Variants in EYS observed in about 807,000 individuals in gnomAD.
The protein encoded by EYS is EGF-like photoreceptor maintenance factor.
Under a neutral mutation model 282.1 loss-of-function variants are expected in EYS, and 250 were observed. The observed-to-expected ratio is 0.89, with a 90% CI of 0.80 to 0.98. The LOEUF (loss-of-function observed/expected upper bound fraction) is 0.98, where lower values mean the gene tolerates loss of function less well. Among genes scored for constraint, EYS ranks in the 50% least tolerant of loss-of-function variants. EYS has a pLI of 0.00. For synonymous variants in EYS, 1,355 were observed against 1,282.9 expected, an observed-to-expected ratio of 1.06 and a Z score of -1.20; for missense variants, 4,016 against 3,709.0, an observed-to-expected ratio of 1.08 and a Z score of -2.15.
intron 12 of EYS, among the ~76,000 whole-genome samples, chr6:65,115,049 C>T (rs1775328040): frequency 6.6e-6 from 1 of 151,908 alleles, no homozygotes; most frequent in Non-Finnish European, 1.5e-5. Context: ...GTTTCTCGGC[C>T]TACTACATCA....
intron 36 of EYS, among the ~76,000 whole-genome samples, chr6:63,854,404 G>A (rs2149704994): frequency 6.6e-6 from 1 of 152,248 alleles, no homozygotes; most frequent in Admixed American, 6.5e-5. Context: ...AGTTAACAAT[G>A]AGAACACATG....
intron 41 of EYS, among the ~76,000 whole-genome samples, chr6:63,729,808 C>T (rs915354938): frequency 6.6e-6 from 1 of 152,124 alleles, no homozygotes; most frequent in Non-Finnish European, 1.5e-5. Flanking sequence ...TTCCTCAGGG[C>T]TTTCCATAGC....
intron 26 of EYS, among the ~76,000 whole-genome samples, chr6:64,497,203 T>G (rs16895318): frequency 0.024 from 3,681 of 152,188 alleles, 137 homozygotes; most frequent in African/African-American, 0.084. Flanking sequence ...TTGCACATAG[T>G]GTACAACAGA....
chr6:65,247,150 C>G (rs1297834021), intron 12 of EYS, among the ~76,000 whole-genome samples: 2 of 152,040 alleles, frequency 1.3e-5, no homozygotes, highest in African/African-American at 2.4e-5. Context: ...AATGAATAAG[C>G]TGTATCGGTC....
chr6:65,038,970 T>G (rs1772850365), intron 13 of EYS, among the ~76,000 whole-genome samples: 1 of 151,590 alleles, frequency 6.6e-6, no homozygotes, highest in African/African-American at 2.4e-5. Context: ...GTATTTTCTC[T>G]CATGCTTATT....
chr6:63,950,224 G>A lies in EYS; in HGVS notation c.7055+34159C>T, dbSNP rs1444311963. 5.9e-5 allele frequency among the ~76,000 whole-genome samples: 9 copies of A among 151,546 alleles called. No individual in the cohort carries two copies. In the South Asian group the frequency reaches 6.3e-4, roughly 11 times the overall value. ...AAAAAAAACAAAAAAAACAAAACCTGCTTGTCAGGCTTCTGGGCCCAAGCC... is the reference window on the plus strand; with the variant it reads ...AAAAAAAACAAAAAAAACAAAACCTACTTGTCAGGCTTCTGGGCCCAAGCC... On this transcript the variant is annotated intron_variant, in intron 35 of 42. Coordinates refer to ENST00000503581, the MANE Select transcript of EYS (RefSeq NM_001142800.2).
intron 41 of EYS, among the ~76,000 whole-genome samples, chr6:63,751,067 G>C (rs1266615681): frequency 6.6e-6 from 1 of 152,024 alleles, no homozygotes; most frequent in African/African-American, 2.4e-5. Context: ...AATTCCTACT[G>C]ATGGTTATTT....
chr6:65,539,655 A>G (rs1287437286), intron 2 of EYS, among the ~76,000 whole-genome samples: 1 of 152,210 alleles, frequency 6.6e-6, no homozygotes, highest in Non-Finnish European at 1.5e-5. Context: ...AGAATGACAT[A>G]AAACAAATGT....
At chr6:64,778,171 T>A (rs1335842382) in intron 22 of EYS, among the ~76,000 whole-genome samples, 3 of 152,112 alleles carry the variant, frequency 2.0e-5, no homozygotes, top group Non-Finnish European at 4.4e-5. Flanking sequence ...TCATGATTGG[T>A]GAAGAATTTT....
At chr6:64,568,817 G>C (rs1051643011) in intron 26 of EYS, among the ~76,000 whole-genome samples, 1 of 152,058 alleles carries the variant, frequency 6.6e-6, no homozygotes, top group African/African-American at 2.4e-5. Context: ...TGCAGCCTCC[G>C]CTGGTGATAC....
At chr6:64,959,844 G>A (rs1204272949) in intron 14 of EYS, among the ~76,000 whole-genome samples, 1 of 147,476 alleles carries the variant, frequency 6.8e-6, no homozygotes, top group Non-Finnish European at 1.5e-5. Context: ...AGTTTCAGCT[G>A]CAAACACAGT....
rs893475998 is a variant in EYS at position 65,002,635 on chromosome 6, C to A, written c.2138-4932G>T. Among the ~76,000 whole-genome samples, 49 of 147,220 alleles carry A rather than the reference C, an allele frequency of 3.3e-4. 5 individuals are homozygous for A. The highest frequency in any genetic ancestry group is 7.4e-4 in the Non-Finnish European group (49 of 65,890). On this transcript the variant is annotated intron_variant, in intron 13 of 42. Coordinates refer to ENST00000503581, the MANE Select transcript of EYS (RefSeq NM_001142800.2). ...ATCCTACTGTTTCTAAATAAAAAGA[C>A]AATAACATAACTTTCTATTGAAATG...
At chr6:64,018,689 A>C (rs1310178851) in intron 33 of EYS, among the ~76,000 whole-genome samples, 1 of 150,176 alleles carries the variant, frequency 6.7e-6, no homozygotes, top group Admixed American at 6.6e-5. Flanking sequence ...AAATGCGATT[A>C]AGTTAAAGTT....
At chr6:65,044,844 A>G (rs1211222244) in intron 13 of EYS, among the ~76,000 whole-genome samples, 1 of 151,732 alleles carries the variant, frequency 6.6e-6, no homozygotes, top group Non-Finnish European at 1.5e-5. Context: ...TGAATTCCCC[A>G]GCCCCTTCAC....
chr6:65,058,744 T>C (rs1773487374), intron 12 of EYS, among the ~76,000 whole-genome samples: 1 of 150,928 alleles, frequency 6.6e-6, no homozygotes, highest in African/African-American at 2.4e-5. Context: ...TTTCTTATTA[T>C]ACCACTTAGA....
chr6:64,221,069 G>A (rs1292472478), intron 31 of EYS, among the ~76,000 whole-genome samples: 1 of 152,142 alleles, frequency 6.6e-6, no homozygotes, highest in Non-Finnish European at 1.5e-5. Context: ...TTGATTCACA[G>A]AATTGGTGTG....
At chr6:64,267,434 G>C (rs966624482) in intron 30 of EYS, among the ~76,000 whole-genome samples, 52 of 152,046 alleles carry the variant, frequency 3.4e-4, no homozygotes, top group Admixed American at 3.3e-3. Context: ...GTCTGCTGTG[G>C]GCAATTTCTT....
intron 26 of EYS, among the ~76,000 whole-genome samples, chr6:64,466,250 T>C (rs1338916176): frequency 2.0e-5 from 3 of 152,090 alleles, no homozygotes; most frequent in Non-Finnish European, 4.4e-5. Context: ...CACTCCTGGG[T>C]ATACATCCAA....
chr6:64,949,518 G>A (rs1769407509), intron 14 of EYS, among the ~76,000 whole-genome samples: 3 of 151,850 alleles, frequency 2.0e-5, no homozygotes, highest in South Asian at 4.1e-4. Context: ...AATCTCTGCT[G>A]TTACCTCTTG....
Sources: allele counts gnomAD v4.1 joint callset (sites outside exome capture counted in the v4.1 genomes callset), GRCh38; gene constraint gnomAD v4.1.1; transcripts MANE v1.5; gene names NCBI Gene and HGNC (gene_info 2026-07-23, HGNC 2026-07-21).